Variants in TFB1M observed in about 807,000 individuals in gnomAD.
TFB1M encodes transcription factor B1, mitochondrial, also known as dimethyladenosine transferase 1, mitochondrial.
TFB1M carries 27 observed loss-of-function variants against 31.1 expected under a neutral mutation model. The observed-to-expected ratio is 0.87, with a 90% CI of 0.64 to 1.20. The LOEUF is 1.20. Ranked by LOEUF, TFB1M falls within the 50% of genes most tolerant of loss-of-function variation. The probability of loss-of-function intolerance (pLI) is 0.00; values close to 1 mark genes in which losing one functional copy is unlikely to be tolerated. For missense variants in TFB1M, 394 were observed against 418.7 expected (o/e 0.94, Z 0.51); for synonymous variants, 166 against 151.8 (o/e 1.09, Z -0.69).
chr6:155,240,561 G>C, the TFB1M span: 2 of 1,614,086 alleles, frequency 1.2e-6, no homozygotes, highest in East Asian at 2.2e-5. Context: ...CTGTGCAGGA[G>C]TTTTAACGAC....
At chr6:155,240,599 C>G in the TFB1M span, 24 of 1,614,122 alleles carry the variant, frequency 1.5e-5, no homozygotes, top group South Asian at 2.1e-4. Flanking sequence ...GGAAGGACCG[C>G]GGGAGAATCA....
chr6:155,311,016 G>C (rs1173194488), intron 2 of TFB1M, 172 bp downstream of exon 2: 2 of 714,888 alleles, frequency 2.8e-6, no homozygotes, highest in Non-Finnish European at 4.7e-6. Flanking sequence ...TAAAAATGGA[G>C]ATTTCCAGAT....
chr6:155,305,875 T>C (rs188721569), intron 2 of TFB1M, among the ~76,000 whole-genome samples: 10 of 148,344 alleles, frequency 6.7e-5, no homozygotes, highest in Admixed American at 2.1e-4. Context: ...AAATTGCACT[T>C]CATAAACATG....
In TFB1M at chr6:155,260,647, G is replaced by A. The variant is rs1241482561; in HGVS notation, c.667-247C>T. The A allele has an allele frequency of 1.8e-5, 10 of 543,638 alleles. No individual in the cohort carries two copies. In the African/African-American group the frequency reaches 1.9e-4, roughly 10 times the overall value. The allele number at this position is 543,638 out of a possible 1,614,324, so 33.7% of individuals were successfully genotyped here. ...ACATCCACCAGACCTGTGCTTGATGGTCACTTAATTTTAAAACACAGTTTC... is the reference window on the plus strand; with the variant it reads ...ACATCCACCAGACCTGTGCTTGATGATCACTTAATTTTAAAACACAGTTTC... On this transcript the variant is annotated intron_variant, in intron 5 of 6. Coordinates refer to ENST00000367166, the MANE Select transcript of TFB1M (RefSeq NM_016020.4).
chr6:155,253,339 T>C (rs1198989820), downstream of TFB1M: 6 of 384,432 alleles, frequency 1.6e-5, no homozygotes, highest in Non-Finnish European at 2.8e-5. Context: ...TAAAATGTGT[T>C]AGAAGAACAA....
chr6:155,243,651 A>G, the TFB1M span, among the ~76,000 whole-genome samples: 1 of 152,058 alleles, frequency 6.6e-6, no homozygotes, highest in Admixed American at 6.5e-5. Context: ...GTTCGAGACC[A>G]GCCTGACCAA....
At chr6:155,296,444 T>C (rs1263380562) in intron 4 of TFB1M, among the ~76,000 whole-genome samples, 1 of 146,328 alleles carries the variant, frequency 6.8e-6, no homozygotes, top group African/African-American at 2.5e-5. Context: ...TTTTTTTTTT[T>C]TTTTTTTGTA....
intron 4 of TFB1M, among the ~76,000 whole-genome samples, chr6:155,293,071 C>T (rs770374043): frequency 2.6e-4 from 40 of 152,078 alleles, no homozygotes; most frequent in Non-Finnish European, 4.3e-4. Context: ...ACTCTGGGCT[C>T]AAGCAATCCT....
chr6:155,257,669 TTGA>T lies in TFB1M; in HGVS notation c.*164_*166del, dbSNP rs570813978. The T allele has an allele frequency of 2.1e-4, 147 of 715,194 alleles. 1 individual carries two copies. The East Asian group carries it at 3.8e-3, about 18-fold the overall frequency. The allele number at this position is 715,194 out of a possible 1,614,324, so 44.3% of individuals were successfully genotyped here. A position where few individuals can be genotyped will look rare whatever the true frequency, so the allele number is the denominator to read the frequency against. ...AAAGAAAGCTTGTACTGTATCTTAT[TTGA>T]TGATATTTATTTTCTCTGCCAAGCT... On this transcript the variant is annotated 3_prime_UTR_variant, in exon 7 of 7. Transcript: ENST00000367166.
intron 4 of TFB1M, among the ~76,000 whole-genome samples, chr6:155,286,615 A>ATATATG (rs1562407960): frequency 8.6e-5 from 12 of 139,616 alleles, no homozygotes; most frequent in African/African-American, 3.3e-4. Context: ...GTGTATATAT[A>ATATATG]TGTGTATATA....
chr6:155,273,812 TG>T (rs1200020118), intron 5 of TFB1M, among the ~76,000 whole-genome samples: 1 of 152,132 alleles, frequency 6.6e-6, no homozygotes, highest in African/African-American at 2.4e-5. Context: ...CATTCTGATC[TG>T]AAAAAACAAG....
the TFB1M span, among the ~76,000 whole-genome samples, chr6:155,239,940 T>C: frequency 0.42 from 63,587 of 152,100 alleles, 14,502 homozygotes; most frequent in Middle Eastern, 0.56. Context: ...ATTACTAGCA[T>C]GTGCACCAGC....
chr6:155,249,999 T>C, the TFB1M span: 1 of 1,567,078 alleles, frequency 6.4e-7, no homozygotes, highest in Non-Finnish European at 8.7e-7. Context: ...CCTGGGAGCC[T>C]AGTGCATGTG....
intron 5 of TFB1M, 94 bp downstream of exon 5, chr6:155,285,064 A>C: frequency 6.6e-7 from 1 of 1,525,116 alleles, no homozygotes; most frequent in East Asian, 2.3e-5. Context: ...CACATAAACA[A>C]AGGTTAGATC....
Position 155,257,803 on chromosome 6 carries a change from A to ACATC in TFB1M, c.*29_*32dup, listed in dbSNP as rs1461852397. 1 of 1,613,510 alleles carries ACATC rather than the reference A, an allele frequency of 6.2e-7. No homozygotes were observed. The highest frequency in any genetic ancestry group is 2.2e-5 in the East Asian group (1 of 44,884). ...AAGAAGCTCCACGTAGTGCAAATCG[A>ACATC]CATCTGGTAGGCTGCTCGCCCCCAG... On this transcript the variant is annotated 3_prime_UTR_variant, in exon 7 of 7. Transcript: ENST00000367166.
intron 2 of TFB1M, among the ~76,000 whole-genome samples, chr6:155,304,586 G>C: frequency 6.6e-6 from 1 of 152,076 alleles, no homozygotes; most frequent in East Asian, 1.9e-4. Context: ...CAAAGCTACT[G>C]TAAGCACATC....
chr6:155,266,846 C>CAA lies in TFB1M; in HGVS notation c.667-6448_667-6447dup, dbSNP rs1213939199. ...TGGGCGACAGAGCGAGACTCCGTCT[C>CAA]AAAAAAAAAAAAAAAAAAAAAAAAA... On this transcript the variant is annotated intron_variant, in intron 5 of 6. Transcript: ENST00000367166. Among the ~76,000 whole-genome samples the CAA allele has an allele frequency of 4.1e-4, 26 of 62,836 alleles. 1 individual carries two copies. The highest frequency in any genetic ancestry group is 3.7e-3 in the South Asian group (5 of 1,342). 41.2% of individuals were successfully genotyped at this position (62,836 alleles called of 152,430 possible).
At chr6:155,270,919 A>G (rs1162782622) in intron 5 of TFB1M, among the ~76,000 whole-genome samples, 3 of 152,198 alleles carry the variant, frequency 2.0e-5, no homozygotes, top group Non-Finnish European at 4.4e-5. Flanking sequence ...CATGAAATAA[A>G]ATCAAAGAAC....
At position 155,301,124 on chromosome 6, in the gene TFB1M, T is replaced by C. The variant is rs74296698; in HGVS notation, c.286-2539A>G. Among the ~76,000 whole-genome samples the C allele has an allele frequency of 7.2e-4, 109 of 152,300 alleles. No homozygotes were observed. The East Asian group carries it at 0.019, about 26-fold the overall frequency. ...CCAGCTCCTTTCCTAGGTTTAAAAC[T>C]ACATTTCTTTTGGATTCCCATTCAC... On this transcript the variant is annotated intron_variant, in intron 2 of 6. Transcript: ENST00000367166.
Sources: gnomAD v4.1 joint callset for allele counts (sites outside exome capture counted in the v4.1 genomes callset) on GRCh38, gnomAD v4.1.1 for gene constraint, MANE v1.5 for transcripts, NCBI Gene and HGNC (gene_info 2026-07-23, HGNC 2026-07-21) for gene names.